The following MAP4K4 variants were observed in gnomAD, a reference collection of about 807,000 sequenced individuals.
The protein encoded by MAP4K4 is HPK/GCK-like kinase HGK.
Under a neutral mutation model 189.6 loss-of-function variants are expected in MAP4K4, and 38 were observed. The observed-to-expected ratio is 0.20, with a 90% CI of 0.15 to 0.26. The LOEUF (loss-of-function observed/expected upper bound fraction) is 0.26. MAP4K4 is among the 10% of genes least tolerant of loss of function. The probability of loss-of-function intolerance (pLI) is 1.00; values close to 1 mark genes in which losing one functional copy is unlikely to be tolerated. For synonymous variants in MAP4K4, 610 were observed against 624.3 expected, an observed-to-expected ratio of 0.98 and a Z score of 0.34; for missense variants, 1,054 against 1,726.9, an observed-to-expected ratio of 0.61 and a Z score of 6.91.
At chr2:101,765,423 G>T (rs1173043908) in intron 2 of MAP4K4, among the ~76,000 whole-genome samples, 1 of 152,072 alleles carries the variant, frequency 6.6e-6, no homozygotes, top group African/African-American at 2.4e-5. Flanking sequence ...ACCATCTCCC[G>T]GGCTCAGGTG....
At chr2:101,856,116 A>G in exon 13 of MAP4K4, 1 of 1,551,492 alleles carries the variant, frequency 6.4e-7, no homozygotes, top group Non-Finnish European at 8.7e-7. Context: ...GAAGAAGAAA[A>G]GAGGAGAGTT....
rs541861344 is a variant in MAP4K4, at chr2:101,840,383, C to T, written c.949+389C>T. On this transcript the variant is annotated intron_variant, in intron 10 of 32. Coordinates refer to ENST00000324219, the Ensembl canonical transcript of MAP4K4. ...TATAATTCTCCTGCCCAAGAACCCC[C>T]GCTCAGGGGATTTTTACTGCTCTAC... Among the ~76,000 whole-genome samples, 116 of 152,162 alleles carry T rather than the reference C, an allele frequency of 7.6e-4. 1 individual carries two copies. The highest frequency in any genetic ancestry group is 1.3e-3 in the Non-Finnish European group (90 of 68,034).
chr2:101,815,381 G>C (rs888801936), intron 3 of MAP4K4, among the ~76,000 whole-genome samples: 7 of 152,120 alleles, frequency 4.6e-5, no homozygotes, highest in Non-Finnish European at 8.8e-5. Context: ...TTGGGTGTCA[G>C]GTTCCTTCAT....
intron 2 of MAP4K4, among the ~76,000 whole-genome samples, chr2:101,719,400 A>G (rs1047003487): frequency 1.3e-5 from 2 of 152,220 alleles, no homozygotes; most frequent in African/African-American, 4.8e-5. Flanking sequence ...TGGCTCACAG[A>G]GTTGGTCAGA....
intron 2 of MAP4K4, among the ~76,000 whole-genome samples, chr2:101,705,468 A>G (rs2149224928): frequency 6.6e-6 from 1 of 152,330 alleles, no homozygotes; most frequent in South Asian, 2.1e-4. Context: ...GTTCATTTTA[A>G]GTGGCTCAAC....
At chr2:101,796,933 C>T (rs567047458) in intron 3 of MAP4K4, among the ~76,000 whole-genome samples, 9 of 152,312 alleles carry the variant, frequency 5.9e-5, no homozygotes, top group East Asian at 5.8e-4. Flanking sequence ...TGTGGAAAGG[C>T]AAGAGCCATA....
At chr2:101,859,926 A>G (rs1486798226) in intron 15 of MAP4K4, 62 bp downstream of exon 15, 1 of 1,465,290 alleles carries the variant, frequency 6.8e-7, no homozygotes, top group South Asian at 1.2e-5. Context: ...ACTCTTCAGA[A>G]CTGTGTCATA....
intron 2 of MAP4K4, among the ~76,000 whole-genome samples, chr2:101,702,261 A>G (rs948894820): frequency 6.6e-6 from 1 of 152,034 alleles, no homozygotes; most frequent in African/African-American, 2.4e-5. Context: ...TGGTGTTCCA[A>G]ATGTCTTGAA....
intron 3 of MAP4K4, among the ~76,000 whole-genome samples, chr2:101,802,697 AT>A (rs560321007): frequency 9.2e-5 from 14 of 152,078 alleles, no homozygotes; most frequent in Non-Finnish European, 1.9e-4. Context: ...TGGCATATTT[AT>A]TCTACTTAAT....
chr2:101,771,912 G>C (rs1048587811), intron 2 of MAP4K4, among the ~76,000 whole-genome samples: 1 of 152,182 alleles, frequency 6.6e-6, no homozygotes, highest in African/African-American at 2.4e-5. Flanking sequence ...ATAGCTTGAT[G>C]ACTGGTGATT....
chr2:101,834,718 C>T (rs2096695775), intron 8 of MAP4K4, among the ~76,000 whole-genome samples: 1 of 152,132 alleles, frequency 6.6e-6, no homozygotes, highest in African/African-American at 2.4e-5. Flanking sequence ...ACATGTGTGA[C>T]CTGAAGTAGT....
chr2:101,719,039 A>G (rs962534936), intron 2 of MAP4K4, among the ~76,000 whole-genome samples: 1 of 152,166 alleles, frequency 6.6e-6, no homozygotes, highest in Non-Finnish European at 1.5e-5. Flanking sequence ...TACAACTTTC[A>G]GTTGGGACTG....
intron 2 of MAP4K4, among the ~76,000 whole-genome samples, chr2:101,705,652 T>C (rs756360906): frequency 4.6e-5 from 7 of 152,238 alleles, no homozygotes; most frequent in Non-Finnish European, 1.0e-4. Context: ...TTTAAAAAAG[T>C]ATAAGAAACT....
At position 101,839,614 on chromosome 2, in the gene MAP4K4, A is replaced by G. The variant is rs779736395; in HGVS notation, c.774-205A>G. Among the ~76,000 whole-genome samples the G allele has an allele frequency of 5.8e-4, 88 of 152,198 alleles. 3 individuals are homozygous for G. Among genetic ancestry groups the G allele is most frequent in the Non-Finnish European group, 6.2e-4 (42 of 68,028 alleles). On this transcript the variant is annotated intron_variant, in intron 9 of 32. Transcript: ENST00000324219. ...TGGTGTGTTGTTAGTGATAGGATGCACCACTTAAACTGTGCTAAATTAATG... is the reference window on the plus strand; with the variant it reads ...TGGTGTGTTGTTAGTGATAGGATGCGCCACTTAAACTGTGCTAAATTAATG...
At position 101,844,993 on chromosome 2, in the gene MAP4K4, C is replaced by T. The variant is rs144472931; in HGVS notation, c.1233+682C>T. ...AGGCGGAAACACGGGAAGAGTGCCGCGTGGCAAGGGAGGCAAGATGGGAAT... is the reference window on the plus strand; with the variant it reads ...AGGCGGAAACACGGGAAGAGTGCCGTGTGGCAAGGGAGGCAAGATGGGAAT... On this transcript the variant is annotated intron_variant, in intron 12 of 32. Coordinates refer to ENST00000324219, the Ensembl canonical transcript of MAP4K4. 7.2e-5 allele frequency among the ~76,000 whole-genome samples: 11 copies of T among 151,996 alleles called. No individual in the cohort carries two copies. The East Asian group carries it at 1.7e-3, about 24-fold the overall frequency.
intron 2 of MAP4K4, among the ~76,000 whole-genome samples, chr2:101,716,369 G>T (rs1043959599): frequency 4.6e-5 from 7 of 152,270 alleles, no homozygotes; most frequent in African/African-American, 1.7e-4. Context: ...CGTGAACCTG[G>T]GAGGCAGAGC....
chr2:101,826,617 T>C (rs1351261617), intron 5 of MAP4K4, among the ~76,000 whole-genome samples: 2 of 152,196 alleles, frequency 1.3e-5, no homozygotes, highest in African/African-American at 4.8e-5. Flanking sequence ...TAAAACTGTT[T>C]AGCATGGTAG....
At chr2:101,887,778 A>C (rs1317901896) in exon 31 of MAP4K4, 1 of 1,606,174 alleles carries the variant, frequency 6.2e-7, no homozygotes, top group Non-Finnish European at 8.5e-7. Context: ...TGTTCTCTAG[A>C]TCCAGTGTAG....
chr2:101,817,210 A>G (rs911946968), intron 3 of MAP4K4, among the ~76,000 whole-genome samples: 26 of 152,192 alleles, frequency 1.7e-4, no homozygotes, highest in Non-Finnish European at 7.3e-5. Flanking sequence ...GACGAGGTCA[A>G]CTGTCAGGAT....
Sources: gnomAD v4.1 joint callset for allele counts (sites outside exome capture counted in the v4.1 genomes callset) on GRCh38, gnomAD v4.1.1 for gene constraint, MANE v1.5 for transcripts, NCBI Gene and HGNC (gene_info 2026-07-23, HGNC 2026-07-21) for gene names.